The following DNAH14 variants were observed in gnomAD, a reference collection of about 807,000 sequenced individuals.
The protein encoded by DNAH14 is axonemal beta dynein heavy chain 14.
In DNAH14, 478 loss-of-function variants were observed where a neutral mutation model predicts 520.9. That is an observed-to-expected ratio of 0.92 (90% CI 0.85 to 0.99). DNAH14 has a LOEUF of 0.99. Among genes scored for constraint, DNAH14 ranks in the 50% least tolerant of loss-of-function variants. The pLI, the probability that DNAH14 is intolerant of heterozygous loss-of-function variation, is 0.00. For synonymous variants in DNAH14, 1,581 were observed against 1,757.2 expected (o/e 0.90, Z 2.51); for missense variants, 4,831 against 5,234.5 (o/e 0.92, Z 2.38).
chr1:225,366,690 T>C (rs941468459), intron 76 of DNAH14, among the ~76,000 whole-genome samples: 1 of 152,134 alleles, frequency 6.6e-6, no homozygotes, highest in South Asian at 2.1e-4. Context: ...ATTCTAAGGG[T>C]GACAGAGTCA....
intron 79 of DNAH14, among the ~76,000 whole-genome samples, chr1:225,378,424 C>G (rs2095732113): frequency 6.6e-6 from 1 of 152,146 alleles, no homozygotes; most frequent in Non-Finnish European, 1.5e-5. Flanking sequence ...ACTTTACAGT[C>G]AAAACAGTGT....
intron 27 of DNAH14, among the ~76,000 whole-genome samples, chr1:225,132,096 C>A (rs2078478079): frequency 6.6e-6 from 1 of 152,044 alleles, no homozygotes; most frequent in African/African-American, 2.4e-5. Context: ...AAAGACTCTA[C>A]AGAGATCGGT....
intron 17 of DNAH14, among the ~76,000 whole-genome samples, chr1:225,062,946 C>T (rs752052422): frequency 3.9e-5 from 6 of 151,912 alleles, no homozygotes; most frequent in Non-Finnish European, 7.4e-5. Flanking sequence ...TGGTTGTCAA[C>T]CAGAAATTAC....
chr1:225,279,323 G>T (rs1393290065), intron 54 of DNAH14, among the ~76,000 whole-genome samples: 6 of 152,110 alleles, frequency 3.9e-5, no homozygotes, highest in African/African-American at 1.4e-4. Flanking sequence ...TACTATGTTT[G>T]CCCAATTAAA....
intron 44 of DNAH14, among the ~76,000 whole-genome samples, chr1:225,256,973 A>G (rs1201102165): frequency 6.6e-6 from 1 of 152,216 alleles, no homozygotes; most frequent in East Asian, 1.9e-4. Flanking sequence ...AATTGATAGC[A>G]CTAACTGTCC....
intron 1 of DNAH14, among the ~76,000 whole-genome samples, chr1:224,940,173 G>C (rs935546069): frequency 6.6e-6 from 1 of 152,180 alleles, no homozygotes; most frequent in Admixed American, 6.5e-5. Flanking sequence ...TGGCTGATTT[G>C]GGTGGTCATG....
intron 8 of DNAH14, among the ~76,000 whole-genome samples, chr1:224,986,747 G>A (rs2062673341): frequency 6.6e-6 from 1 of 152,162 alleles, no homozygotes; most frequent in Non-Finnish European, 1.5e-5. Flanking sequence ...AAAGTTGGAA[G>A]TCTTTCCTCT....
At chr1:225,087,035 C>CACAG (rs1491096002) in intron 21 of DNAH14, among the ~76,000 whole-genome samples, 16 of 150,328 alleles carry the variant, frequency 1.1e-4, no homozygotes, top group South Asian at 2.1e-4. Flanking sequence ...CACACACACA[C>CACAG]AGCCTTCTAC....
At chr1:224,969,586 A>T in intron 7 of DNAH14, 1 of 226,770 alleles carries the variant, frequency 4.4e-6, no homozygotes, top group Non-Finnish European at 8.5e-6. Context: ...TTTCACATTG[A>T]GTAGGCTGAG....
intron 10 of DNAH14, among the ~76,000 whole-genome samples, chr1:225,011,045 A>G (rs938984593): frequency 6.6e-6 from 1 of 150,544 alleles, no homozygotes; most frequent in Non-Finnish European, 1.5e-5. Context: ...TGAAAAAAAA[A>G]CAGCTCCTGG....
chr1:225,230,745 T>C (rs1257300745), intron 41 of DNAH14, among the ~76,000 whole-genome samples: 2 of 152,164 alleles, frequency 1.3e-5, no homozygotes, highest in African/African-American at 2.4e-5. Flanking sequence ...ATGAGTACCA[T>C]ATTTGGTCGT....
intron 12 of DNAH14, among the ~76,000 whole-genome samples, chr1:225,040,259 A>G (rs1012248533): frequency 6.6e-6 from 1 of 152,130 alleles, no homozygotes; most frequent in Non-Finnish European, 1.5e-5. Flanking sequence ...TTTTTAAAGT[A>G]TTTAGGTAGA....
chr1:225,171,454 C>T (rs1158415722), intron 36 of DNAH14, among the ~76,000 whole-genome samples: 1 of 152,138 alleles, frequency 6.6e-6, no homozygotes, highest in Non-Finnish European at 1.5e-5. Context: ...ACCGATCCCG[C>T]AGAAATACAA....
At chr1:225,360,599 C>T in intron 74 of DNAH14, 82 bp from the exon 75 acceptor site, 1 of 1,254,584 alleles carries the variant, frequency 8.0e-7, no homozygotes, top group Non-Finnish European at 1.1e-6. Context: ...CCCAACACTA[C>T]TCAATAAATG....
rs1463438059 is a variant in DNAH14 at position 225,364,834 on chromosome 1, A to G, written c.12030A>G (p.Leu4010=). The change falls in exon 76 of 86, where the codon CTA becomes CTG. Residue 4010 remains leucine, a synonymous_variant. Transcript: ENST00000682510. ...PNVTIDPEFR[L]WLSSKSYSSF... is the part of the protein sequence containing the mutation. The stretch of plus-strand genomic sequence containing the variant: ...TGACAATAGACCCTGAGTTTCGGCT[A>G]TGGTTAAGCTCAAAATCATACAGTT... 3 of 1,549,012 alleles carry G rather than the reference A, an allele frequency of 1.9e-6. No homozygotes were observed. Among genetic ancestry groups the G allele is most frequent in the Non-Finnish European group, 2.6e-6 (3 of 1,146,076 alleles).
At chr1:225,041,727 A>G (rs903659257) in intron 12 of DNAH14, among the ~76,000 whole-genome samples, 5 of 55,780 alleles carry the variant, frequency 9.0e-5, no homozygotes, top group Non-Finnish European at 3.8e-4. Flanking sequence ...TTAAAGAATG[A>G]TTTAATGCAA....
chr1:225,375,551 G>A (rs1421478950), intron 78 of DNAH14, among the ~76,000 whole-genome samples: 2 of 152,100 alleles, frequency 1.3e-5, no homozygotes, highest in African/African-American at 4.8e-5. Flanking sequence ...AGAAAGAGAG[G>A]TCATATCCAG....
At chr1:225,004,044 C>G (rs1032065438) in intron 9 of DNAH14, among the ~76,000 whole-genome samples, 1 of 151,928 alleles carries the variant, frequency 6.6e-6, no homozygotes, top group African/African-American at 2.4e-5. Flanking sequence ...TCCTAGAGAC[C>G]TCAGGCCATG....
chr1:225,064,960 A>G lies in DNAH14; in HGVS notation c.2424+13165A>G, dbSNP rs540107580. On this transcript the variant is annotated intron_variant, in intron 17 of 85. Coordinates refer to ENST00000682510, the MANE Select transcript of DNAH14 (RefSeq NM_001367479.1). The stretch of plus-strand genomic sequence containing the variant: ...TAAAAACCTAGCTGTTCTGTTTACT[A>G]TTTGAAGGAAGGTATTAATGTAGAT... 5.3e-5 allele frequency among the ~76,000 whole-genome samples: 8 copies of G among 152,144 alleles called. No homozygotes were observed. The East Asian group carries it at 1.5e-3, about 29-fold the overall frequency.
Sources: allele counts gnomAD v4.1 joint callset (sites outside exome capture counted in the v4.1 genomes callset), GRCh38; gene constraint gnomAD v4.1.1; transcripts MANE v1.5; gene names NCBI Gene and HGNC (gene_info 2026-07-23, HGNC 2026-07-21).